Variants in CFAP20DC observed in about 807,000 individuals in gnomAD.
The protein encoded by CFAP20DC is protein CFAP20DC.
In CFAP20DC, 84 loss-of-function variants were observed where a neutral mutation model predicts 101.7. The ratio of observed to expected loss-of-function variants is 0.83; its 90% CI spans 0.69 to 0.99. The LOEUF (loss-of-function observed/expected upper bound fraction) is 0.99, where lower values mean the gene tolerates loss of function less well. CFAP20DC is among the 50% of genes least tolerant of loss of function. CFAP20DC has a pLI of 0.00. For missense variants in CFAP20DC, 1,007 were observed against 970.3 expected (o/e 1.04, Z -0.50); for synonymous variants, 359 against 351.2 (o/e 1.02, Z -0.25).
At chr3:58,949,769 CT>C (rs2089869036) in intron 4 of CFAP20DC, among the ~76,000 whole-genome samples, 1 of 152,280 alleles carries the variant, frequency 6.6e-6, no homozygotes, top group African/African-American at 2.4e-5. Flanking sequence ...TGGGATGTAT[CT>C]CAAAATAATA....
chr3:58,976,461 AC>A (rs2092281480), intron 4 of CFAP20DC, among the ~76,000 whole-genome samples: 1 of 152,144 alleles, frequency 6.6e-6, no homozygotes, highest in Admixed American at 6.5e-5. Context: ...TGTTATGATG[AC>A]CATTTTTGCC....
intron 3 of CFAP20DC, among the ~76,000 whole-genome samples, chr3:58,720,118 G>GTC (rs749695625): frequency 1.3e-5 from 2 of 152,176 alleles, no homozygotes; most frequent in East Asian, 3.8e-4. Flanking sequence ...CCTGCTTCAA[G>GTC]CTCTTCAAGC....
intron 3 of CFAP20DC, among the ~76,000 whole-genome samples, chr3:58,733,685 G>A (rs1442560222): frequency 1.3e-5 from 2 of 152,170 alleles, no homozygotes; most frequent in Non-Finnish European, 2.9e-5. Context: ...GGTCAGACCC[G>A]AAATATTACA....
chr3:58,873,766 T>C (rs2080486269), intron 7 of CFAP20DC, among the ~76,000 whole-genome samples: 3 of 152,180 alleles, frequency 2.0e-5, no homozygotes, highest in Admixed American at 2.0e-4. Context: ...TCTGGATAGC[T>C]GTTCTAGATG....
intron 14 of CFAP20DC, among the ~76,000 whole-genome samples, chr3:58,822,286 A>G (rs576524227): frequency 1.4e-5 from 2 of 140,794 alleles, no homozygotes; most frequent in Admixed American, 7.5e-5. Context: ...CGTAAAACTT[A>G]AAGTATAATA....
intron 4 of CFAP20DC, among the ~76,000 whole-genome samples, chr3:58,962,837 G>A (rs2091251343): frequency 6.6e-6 from 1 of 152,028 alleles, no homozygotes; most frequent in Non-Finnish European, 1.5e-5. Flanking sequence ...TGAGCACGTA[G>A]CTTCCTGACC....
At chr3:58,890,176 AG>A (rs1359866521) in intron 6 of CFAP20DC, among the ~76,000 whole-genome samples, 2 of 131,892 alleles carry the variant, frequency 1.5e-5, no homozygotes. Flanking sequence ...CTGGCTGGGC[AG>A]GGGGCTGACC....
In CFAP20DC at chr3:58,894,825, G is replaced by A. The variant is rs186891270; in HGVS notation, c.551-10116C>T. Among the ~76,000 whole-genome samples the A allele has an allele frequency of 1.7e-3, 257 of 152,340 alleles. No homozygotes were observed. The highest frequency in any genetic ancestry group is 5.1e-3 in the African/African-American group (213 of 41,582). ...CAAACTTGTGCCTGGGCATCCAGGC[G>A]TTTCCATATGTCCTCTGAAATCAAG... On this transcript the variant is annotated intron_variant, in intron 6 of 16. Coordinates refer to ENST00000482387, the MANE Select transcript of CFAP20DC (RefSeq NM_001394063.1). This position sits in a 1 kb window ranked among gnomAD's most constrained non-coding sequence, Gnocchi z 4.1.
intron 13 of CFAP20DC, among the ~76,000 whole-genome samples, chr3:58,841,313 AT>A (rs1215690115): frequency 6.6e-6 from 1 of 152,246 alleles, no homozygotes; most frequent in Non-Finnish European, 1.5e-5. Context: ...CAAATGGCAC[AT>A]TTGAGTGGCA....
At chr3:58,973,766 C>T (rs2092098910) in intron 4 of CFAP20DC, among the ~76,000 whole-genome samples, 1 of 152,046 alleles carries the variant, frequency 6.6e-6, no homozygotes, top group Admixed American at 6.6e-5. Context: ...TTAGGCACCC[C>T]CAAAATAGAA....
Position 58,802,500 on chromosome 3 carries a change from G to A in CFAP20DC, c.2237+3895C>T, listed in dbSNP as rs568765833. ...AGGCAAGGGCCCCAGCATCTGTGAT[G>A]CTGTTTAAATATCAGTTAGTGTGTT... On this transcript the variant is annotated intron_variant, in intron 15 of 16. Coordinates refer to ENST00000482387, the MANE Select transcript of CFAP20DC (RefSeq NM_001394063.1). Among the ~76,000 whole-genome samples the A allele has an allele frequency of 5.3e-5, 8 of 152,334 alleles. No homozygotes were observed. The South Asian group carries it at 1.7e-3, about 32-fold the overall frequency.
intron 12 of CFAP20DC, chr3:58,862,041 C>T: frequency 1.0e-6 from 1 of 984,798 alleles, no homozygotes; most frequent in Non-Finnish European, 1.2e-6. Flanking sequence ...TCTACTGTTT[C>T]TTCTAAAGGC....
intron 12 of CFAP20DC, among the ~76,000 whole-genome samples, chr3:58,854,109 C>G (rs2078526278): frequency 6.6e-6 from 1 of 152,164 alleles, no homozygotes; most frequent in Non-Finnish European, 1.5e-5. Context: ...CCAAAATCTC[C>G]TTAAGCTGAT....
At chr3:58,918,350 AT>A (rs1183319709) in intron 5 of CFAP20DC, among the ~76,000 whole-genome samples, 9 of 152,084 alleles carry the variant, frequency 5.9e-5, no homozygotes, top group African/African-American at 1.7e-4. Flanking sequence ...ATCAATCTTC[AT>A]TCAATCACTC....
intron 5 of CFAP20DC, among the ~76,000 whole-genome samples, chr3:58,936,065 A>T (rs1246082296): frequency 3.3e-5 from 5 of 152,132 alleles, no homozygotes; most frequent in Non-Finnish European, 5.9e-5. Context: ...ATGAACTCAA[A>T]CAAATTTACA....
At chr3:58,756,397 T>C (rs1448870147) in intron 15 of CFAP20DC, among the ~76,000 whole-genome samples, 1 of 152,158 alleles carries the variant, frequency 6.6e-6, no homozygotes, top group African/African-American at 2.4e-5. Context: ...TTTTCTTCTC[T>C]GGTTAAAATA....
At chr3:58,917,158 A>C (rs2084822830) in intron 5 of CFAP20DC, among the ~76,000 whole-genome samples, 1 of 152,178 alleles carries the variant, frequency 6.6e-6, no homozygotes, top group Non-Finnish European at 1.5e-5. Flanking sequence ...TATGCTATTT[A>C]TTTCCAGCAT....
chr3:58,794,960 A>T (rs904798195), intron 15 of CFAP20DC, among the ~76,000 whole-genome samples: 1 of 152,220 alleles, frequency 6.6e-6, no homozygotes, highest in African/African-American at 2.4e-5. Flanking sequence ...TTACAAAATG[A>T]ATAATGAGAT....
intron 4 of CFAP20DC, among the ~76,000 whole-genome samples, chr3:59,029,764 G>A (rs2093954830): frequency 6.6e-6 from 1 of 152,162 alleles, no homozygotes; most frequent in African/African-American, 2.4e-5. Context: ...CCACTGGGAA[G>A]CTCTAAGAGT....
Sources: gnomAD v4.1 joint callset for allele counts (sites outside exome capture counted in the v4.1 genomes callset) on GRCh38, gnomAD v4.1.1 for gene constraint, Gnocchi (gnomAD v3.1) non-coding constraint, MANE v1.5 for transcripts, NCBI Gene and HGNC (gene_info 2026-07-23, HGNC 2026-07-21) for gene names.